MAP3K20: variants seen among roughly 807,000 people sequenced by gnomAD.
MAP3K20 encodes HCCS-4.
A neutral mutation model predicts 85.7 loss-of-function variants in MAP3K20; 40 were observed. That is an observed-to-expected ratio of 0.47 (90% CI 0.36 to 0.61). The LOEUF (loss-of-function observed/expected upper bound fraction) is 0.61, where lower values mean the gene tolerates loss of function less well. Ranked by LOEUF, MAP3K20 falls within the 20% of genes least tolerant of loss-of-function variation. The probability of loss-of-function intolerance (pLI) is 0.00; values close to 1 mark genes in which losing one functional copy is unlikely to be tolerated. For synonymous variants in MAP3K20, 325 were observed against 327.7 expected (o/e 0.99, Z 0.09); for missense variants, 817 against 961.7 (o/e 0.85, Z 1.99).
rs1199879409 is a variant in MAP3K20 at position 173,091,182 on chromosome 2, G to C, written c.151G>C (p.Glu51Gln). 1 of 1,611,994 alleles carries C rather than the reference G, an allele frequency of 6.2e-7. No individual in the cohort carries two copies. The highest frequency in any genetic ancestry group is 1.1e-5 in the South Asian group (1 of 90,714). Residue 51 changes from glutamate (E) to glutamine (Q), a missense_variant, in exon 2 of 20, where the codon GAG becomes CAG. Glu to Gln is a conservative substitution (Grantham distance 29). Transcript: ENST00000375213. ...GGCTGTAAAGAAGCTCCTCAAAATA[G>C]AGAAAGAGGTAAGGTCTTTTCCAGC... ...EVAVKKLLKI[E>Q]KEAEILSVLS...
At chr2:173,207,506 G>A (rs981065541) in intron 9 of MAP3K20, 3 of 152,160 alleles carry the variant, frequency 2.0e-5, no homozygotes, top group African/African-American at 7.2e-5. Flanking sequence ...AATAATAATA[G>A]TAAGTTGAAG....
intron 19 of MAP3K20, among the ~76,000 whole-genome samples, chr2:173,265,518 C>G (rs1685399889): frequency 6.6e-6 from 1 of 152,216 alleles, no homozygotes. Flanking sequence ...CTAGCTGTCT[C>G]AACCTTCGGA....
At chr2:173,253,406 T>C (rs1439892889) in intron 16 of MAP3K20, among the ~76,000 whole-genome samples, 1 of 152,206 alleles carries the variant, frequency 6.6e-6, no homozygotes, top group Non-Finnish European at 1.5e-5. Flanking sequence ...AAGTTGGCTA[T>C]GGTTGGGAGG....
intron 2 of MAP3K20, among the ~76,000 whole-genome samples, chr2:173,112,533 T>G (rs1372941482): frequency 2.6e-5 from 4 of 152,236 alleles, no homozygotes; most frequent in African/African-American, 9.6e-5. Context: ...AAAATTATGT[T>G]GGCTGTGGTT....
intron 16 of MAP3K20, among the ~76,000 whole-genome samples, chr2:173,253,850 T>A (rs1685095819): frequency 6.6e-6 from 1 of 151,428 alleles, no homozygotes; most frequent in Admixed American, 6.6e-5. Flanking sequence ...GGAGGACCAC[T>A]TGAGCCCAGG....
chr2:173,093,574 CAAAA>C (rs897147552), intron 2 of MAP3K20, among the ~76,000 whole-genome samples: 1 of 151,722 alleles, frequency 6.6e-6, no homozygotes, highest in African/African-American at 2.4e-5. Context: ...TATTTAAAAA[CAAAA>C]AAGAAAGACT....
chr2:173,228,698 G>A (rs534506770), intron 11 of MAP3K20, among the ~76,000 whole-genome samples: 4 of 152,152 alleles, frequency 2.6e-5, no homozygotes, highest in African/African-American at 9.6e-5. Context: ...TTGAAGGCAG[G>A]GGCTGTGCCT....
intron 1 of MAP3K20, among the ~76,000 whole-genome samples, chr2:173,082,122 C>A (rs1687030485): frequency 6.6e-6 from 1 of 152,118 alleles, no homozygotes; most frequent in South Asian, 2.1e-4. Context: ...CCACCTCAGT[C>A]TCTTGAGTAG....
In MAP3K20 at chr2:173,217,397, G is replaced by A. The variant is rs144005302; in HGVS notation, c.987+147G>A. On this transcript the variant is annotated intron_variant, in intron 11 of 19. Coordinates refer to ENST00000375213, the MANE Select transcript of MAP3K20 (RefSeq NM_016653.3). Reference sequence around the variant, plus strand: ...CCGTGTATTAAAGGGCCCGCGTGTGGACTCAAGCAGCGTTCATACCTAATT... The same window carrying A: ...CCGTGTATTAAAGGGCCCGCGTGTGAACTCAAGCAGCGTTCATACCTAATT... 2.6e-4 allele frequency: 233 copies of A among 905,826 alleles called. No homozygotes were observed. The African/African-American group carries it at 3.4e-3, about 13-fold the overall frequency. The allele number at this position is 905,826 out of a possible 1,614,324, so 56.1% of individuals were successfully genotyped here.
At chr2:173,103,001 C>T (rs1687677191) in intron 2 of MAP3K20, among the ~76,000 whole-genome samples, 1 of 144,730 alleles carries the variant, frequency 6.9e-6, no homozygotes, top group African/African-American at 2.5e-5. Flanking sequence ...TGCAGTGAGC[C>T]GAGATCGCAC....
At chr2:173,226,141 C>T in intron 11 of MAP3K20, 2 of 981,958 alleles carry the variant, frequency 2.0e-6, no homozygotes, top group Non-Finnish European at 2.4e-6. Flanking sequence ...CTTTTAAACA[C>T]CAGCTAAGGT....
At chr2:173,128,204 T>G (rs1463352211) in intron 2 of MAP3K20, among the ~76,000 whole-genome samples, 1 of 152,190 alleles carries the variant, frequency 6.6e-6, no homozygotes, top group African/African-American at 2.4e-5. Flanking sequence ...TCTCCAGTAT[T>G]TCCAATGATA....
intron 4 of MAP3K20, among the ~76,000 whole-genome samples, chr2:173,185,023 C>G (rs993890009): frequency 6.6e-6 from 1 of 152,174 alleles, no homozygotes; most frequent in Non-Finnish European, 1.5e-5. Context: ...AGGTGGATCA[C>G]CTGAGGCCAG....
At chr2:173,248,177 G>C (rs562598908) in intron 16 of MAP3K20, among the ~76,000 whole-genome samples, 2 of 152,114 alleles carry the variant, frequency 1.3e-5, no homozygotes, top group Non-Finnish European at 2.9e-5. Flanking sequence ...GTGTGCATGC[G>C]GGTGACAGGG....
intron 2 of MAP3K20, among the ~76,000 whole-genome samples, chr2:173,164,388 A>G (rs887589717): frequency 1.3e-5 from 2 of 152,128 alleles, no homozygotes; most frequent in Non-Finnish European, 2.9e-5. Flanking sequence ...TTCTTTGCCT[A>G]CTTTTTAATG....
chr2:173,238,551 A>C (rs1559294657), intron 15 of MAP3K20, 116 bp downstream of exon 15: 2 of 916,934 alleles, frequency 2.2e-6, no homozygotes, highest in Non-Finnish European at 3.3e-6. Flanking sequence ...AAATTTCATC[A>C]TATCTGTCTA....
intron 2 of MAP3K20, among the ~76,000 whole-genome samples, chr2:173,161,408 C>T (rs955044475): frequency 2.0e-5 from 3 of 152,156 alleles, no homozygotes; most frequent in African/African-American, 7.2e-5. Context: ...TTCATACCTC[C>T]CGGCATTTTA....
chr2:173,263,624 T>C (rs1482388426), intron 18 of MAP3K20, 121 bp from the exon 19 acceptor site: 3 of 963,086 alleles, frequency 3.1e-6, no homozygotes, highest in Non-Finnish European at 3.1e-6. Context: ...TTCTAAGAGG[T>C]GAAACTGAAG....
Position 173,253,603 on chromosome 2 carries a change from A to G in MAP3K20, c.1360-5096A>G, listed in dbSNP as rs537854870. Among the ~76,000 whole-genome samples the G allele has an allele frequency of 2.6e-5, 4 of 152,296 alleles. No individual in the cohort carries two copies. In the South Asian group the frequency reaches 6.2e-4, roughly 24 times the overall value. On this transcript the variant is annotated intron_variant, in intron 16 of 19. Transcript: ENST00000375213. ...GTGAATAACAGGAGCATTTCAGACTACCAGGGTGAGATGGTTTTGAAAAAG... is the reference window on the plus strand; with the variant it reads ...GTGAATAACAGGAGCATTTCAGACTGCCAGGGTGAGATGGTTTTGAAAAAG...
Sources: gnomAD v4.1 joint callset for allele counts (sites outside exome capture counted in the v4.1 genomes callset) on GRCh38, gnomAD v4.1.1 for gene constraint, MANE v1.5 for transcripts, NCBI Gene and HGNC (gene_info 2026-07-23, HGNC 2026-07-21) for gene names.